AFDN: variants seen among roughly 807,000 people sequenced by gnomAD.
AFDN encodes the protein afadin.
AFDN carries 68 observed loss-of-function variants against 216.6 expected under a neutral mutation model. The observed-to-expected ratio is 0.31, with a 90% CI of 0.26 to 0.38. The LOEUF is 0.38. Ranked by LOEUF, AFDN falls within the 10% of genes least tolerant of loss-of-function variation. The pLI is 1.00. For missense variants in AFDN, 2,136 were observed against 2,342.0 expected (o/e 0.91, Z 1.82); for synonymous variants, 868 against 853.7 (o/e 1.02, Z -0.29).
intron 12 of AFDN, among the ~76,000 whole-genome samples, chr6:167,903,492 A>G (rs997291710): frequency 6.6e-6 from 1 of 152,072 alleles, no homozygotes. Context: ...AACTGACACA[A>G]CCCCGTTTCC....
intron 6 of AFDN, among the ~76,000 whole-genome samples, chr6:167,884,874 G>A (rs1786585605): frequency 6.6e-6 from 1 of 152,178 alleles, no homozygotes; most frequent in Non-Finnish European, 1.5e-5. Context: ...TAGCTAGAGA[G>A]TCCTAGATGG....
chr6:167,950,950 G>T (rs1374434332), intron 29 of AFDN, among the ~76,000 whole-genome samples: 2 of 150,122 alleles, frequency 1.3e-5, no homozygotes, highest in African/African-American at 4.9e-5. Context: ...ACCCACCTCA[G>T]CCTCCCAAAG....
intron 30 of AFDN, among the ~76,000 whole-genome samples, chr6:167,957,657 G>T (rs1296012821): frequency 1.3e-5 from 2 of 152,160 alleles, no homozygotes; most frequent in Non-Finnish European, 2.9e-5. Flanking sequence ...AATTCGTCAG[G>T]ATGTCTGCTT....
At chr6:167,852,365 C>A (rs1468405117) in intron 1 of AFDN, among the ~76,000 whole-genome samples, 2 of 152,156 alleles carry the variant, frequency 1.3e-5, no homozygotes, top group African/African-American at 4.8e-5. Context: ...TGTAGAACAT[C>A]TCTGTTCTAG....
At chr6:167,858,761 C>A (rs1351046958) in intron 1 of AFDN, among the ~76,000 whole-genome samples, 5 of 152,154 alleles carry the variant, frequency 3.3e-5, no homozygotes, top group Non-Finnish European at 5.9e-5. Context: ...TGCTTGTTTG[C>A]CAGTTTACAT....
intron 30 of AFDN, chr6:167,954,590 T>A: frequency 9.9e-7 from 1 of 1,007,642 alleles, no homozygotes; most frequent in Non-Finnish European, 1.5e-6. Flanking sequence ...GATCCAGTTC[T>A]CCTTAGGGGT....
chr6:167,936,136 TAA>T (rs1291226481), intron 23 of AFDN, among the ~76,000 whole-genome samples: 6 of 152,378 alleles, frequency 3.9e-5, no homozygotes, highest in Admixed American at 3.3e-4. Context: ...TTTTCCATAC[TAA>T]GTCTCTGCAT....
intron 5 of AFDN, among the ~76,000 whole-genome samples, chr6:167,879,674 G>A (rs1471945803): frequency 1.3e-5 from 2 of 152,136 alleles, no homozygotes; most frequent in Non-Finnish European, 1.5e-5. Context: ...AGAAACAAAA[G>A]AAAATGTCAG....
chr6:167,969,906 G>A lies in AFDN; in HGVS notation c.5467G>A (p.Glu1823Lys). 1 of 1,611,130 alleles carries A rather than the reference G, an allele frequency of 6.2e-7. No individual in the cohort carries two copies. The highest frequency in any genetic ancestry group is 1.3e-5 in the African/African-American group (1 of 74,882). Residue 1823 changes from glutamate (E) to lysine (K), a missense_variant, in exon 34 of 34, where the codon GAA (glutamate) becomes AAA (lysine). Physicochemically the swap from Glu to Lys is moderately conservative, Grantham distance 56. This residue lies in a region of AFDN where 981 missense variants were observed against 966.0 expected (regional missense o/e 1.02). Transcript: ENST00000683244. ...NKVKASRKLT[E>K]LENELNTK ...AGTGAAAGCTTCTCGTAAATTAACA[G>A]AACTGGAGAATGAACTGAACACAAA...
intron 13 of AFDN, among the ~76,000 whole-genome samples, chr6:167,909,924 T>C (rs1183600158): frequency 6.6e-6 from 1 of 152,208 alleles, no homozygotes; most frequent in African/African-American, 2.4e-5. Flanking sequence ...ATAAAGACAT[T>C]GAAATGTTAA....
intron 1 of AFDN, among the ~76,000 whole-genome samples, chr6:167,852,185 C>T (rs1021619858): frequency 9.2e-5 from 14 of 152,138 alleles, no homozygotes; most frequent in African/African-American, 3.4e-4. Context: ...ATCTGTTATT[C>T]GGTCCATACT....
chr6:167,868,634 A>G lies in AFDN; in HGVS notation c.302-1752A>G, dbSNP rs1053360311. Among the ~76,000 whole-genome samples, 13 of 152,158 alleles carry G rather than the reference A, an allele frequency of 8.5e-5. 1 individual carries two copies. The highest frequency in any genetic ancestry group is 2.0e-4 in the Admixed American group (3 of 15,272). ...TTGGAAAATCACATCTTTCTCTTGC[A>G]AGGAGTCTATGTTATCATCATCCTT... is the stretch of plus-strand genomic sequence containing the variant. On this transcript the variant is annotated intron_variant, in intron 2 of 33. Transcript: ENST00000683244.
intron 6 of AFDN, among the ~76,000 whole-genome samples, chr6:167,884,722 G>T (rs893386515): frequency 1.3e-5 from 2 of 152,148 alleles, no homozygotes; most frequent in Non-Finnish European, 2.9e-5. Context: ...GAGTTGATTT[G>T]TATAATTCTT....
chr6:167,894,852 C>T (rs1788037356), intron 9 of AFDN, among the ~76,000 whole-genome samples: 1 of 152,112 alleles, frequency 6.6e-6, no homozygotes, highest in Non-Finnish European at 1.5e-5. Flanking sequence ...ATTCAGAATT[C>T]GGAAGAATAT....
intron 6 of AFDN, among the ~76,000 whole-genome samples, chr6:167,884,212 T>C (rs1786498722): frequency 6.6e-6 from 1 of 152,256 alleles, no homozygotes; most frequent in South Asian, 2.1e-4. Flanking sequence ...CTCATCTTCA[T>C]GTACTTCCTT....
chr6:167,894,851 T>A (rs1249458373), intron 9 of AFDN, among the ~76,000 whole-genome samples: 1 of 152,336 alleles, frequency 6.6e-6, no homozygotes, highest in East Asian at 1.9e-4. Context: ...CATTCAGAAT[T>A]CGGAAGAATA....
chr6:167,933,868 G>A (rs1480598578), intron 23 of AFDN, among the ~76,000 whole-genome samples: 1 of 152,204 alleles, frequency 6.6e-6, no homozygotes, highest in Admixed American at 6.5e-5. Context: ...TTACCTGGAT[G>A]TAGAATATTG....
chr6:167,881,604 G>A (rs2128299383), intron 6 of AFDN, among the ~76,000 whole-genome samples: 1 of 152,310 alleles, frequency 6.6e-6, no homozygotes, highest in Non-Finnish European at 1.5e-5. Flanking sequence ...GGGCTGAAAA[G>A]AAGAAATTGG....
At chr6:167,960,020 T>A (rs1050769127) in intron 30 of AFDN, among the ~76,000 whole-genome samples, 1 of 152,242 alleles carries the variant, frequency 6.6e-6, no homozygotes, top group Non-Finnish European at 1.5e-5. Flanking sequence ...AAATTTGTAA[T>A]TTAAGTTAAA....
Sources: allele counts gnomAD v4.1 joint callset (sites outside exome capture counted in the v4.1 genomes callset), GRCh38; gene constraint gnomAD v4.1.1; regional missense constraint gnomAD v4.1.1; transcripts MANE v1.5; gene names NCBI Gene and HGNC (gene_info 2026-07-23, HGNC 2026-07-21).